BCL7C: variants seen among roughly 807,000 people sequenced by gnomAD.
BCL7C encodes the protein BAF chromatin remodeling complex subunit BCL7C.
Under a neutral mutation model 26.2 loss-of-function variants are expected in BCL7C, and 8 were observed. The ratio of observed to expected loss-of-function variants is 0.30; its 90% CI spans 0.18 to 0.55. The LOEUF (loss-of-function observed/expected upper bound fraction) is 0.55, where lower values mean the gene tolerates loss of function less well. Ranked by LOEUF, BCL7C falls within the 20% of genes least tolerant of loss-of-function variation. The pLI, the probability that BCL7C is intolerant of heterozygous loss-of-function variation, is 0.93. For synonymous variants in BCL7C, 90 were observed against 116.5 expected (o/e 0.77, Z 1.47); for missense variants, 262 against 298.5 (o/e 0.88, Z 0.90).
chr16:30,871,497 T>G (rs2054882064), intron 5 of BCL7C, among the ~76,000 whole-genome samples: 1 of 152,182 alleles, frequency 6.6e-6, no homozygotes, highest in African/African-American at 2.4e-5. Context: ...GTTAGCTTTT[T>G]TTTTTGAGAC....
In BCL7C at chr16:30,835,780, A is replaced by C. The variant is rs1293495988; in HGVS notation, c.529-632T>G. 2.0e-5 allele frequency among the ~76,000 whole-genome samples: 3 copies of C among 152,086 alleles called. No homozygotes were observed. The East Asian group carries it at 5.8e-4, about 29-fold the overall frequency. ...AGAATCTCTTGAACCCGGTAGACAGAGGTTGCAGTGAGCCGAGATCGCACC... is the reference window on the plus strand; with the variant it reads ...AGAATCTCTTGAACCCGGTAGACAGCGGTTGCAGTGAGCCGAGATCGCACC... On this transcript the variant is annotated intron_variant, in intron 5 of 5. Coordinates refer to the BCL7C transcript ENST00000380317.
At chr16:30,888,122 A>T in intron 5 of BCL7C, 132 bp from the exon 6 acceptor site, 14 of 749,682 alleles carry the variant, frequency 1.9e-5, no homozygotes, top group Admixed American at 3.9e-5. Context: ...CCAGATGCCC[A>T]GGATGCAGAG....
intron 5 of BCL7C, 107 bp from the exon 6 acceptor site, chr16:30,888,097 G>A: frequency 1.6e-6 from 2 of 1,222,796 alleles, no homozygotes; most frequent in Non-Finnish European, 2.3e-6. Flanking sequence ...CTGGGCCCGG[G>A]AGGCAAGCCC....
intron 5 of BCL7C, among the ~76,000 whole-genome samples, chr16:30,865,522 G>C (rs1258848586): frequency 2.6e-5 from 4 of 152,012 alleles, no homozygotes; most frequent in African/African-American, 9.7e-5. Context: ...AGGTTGCAGT[G>C]AACTATGATT....
At chr16:30,876,280 C>T (rs2054948968) in intron 5 of BCL7C, among the ~76,000 whole-genome samples, 1 of 152,226 alleles carries the variant, frequency 6.6e-6, no homozygotes, top group African/African-American at 2.4e-5. Flanking sequence ...TGCACTCACT[C>T]TGTGCCTGGG....
intron 5 of BCL7C, among the ~76,000 whole-genome samples, chr16:30,860,318 T>C (rs916252393): frequency 1.3e-5 from 2 of 152,210 alleles, no homozygotes; most frequent in African/African-American, 2.4e-5. Context: ...CCACATTCCC[T>C]TGGTGGCAAG....
chr16:30,892,988 C>T (rs1172894575), intron 2 of BCL7C, 40 bp from the exon 3 acceptor site: 1 of 1,570,032 alleles, frequency 6.4e-7, no homozygotes, highest in Admixed American at 1.7e-5. Flanking sequence ...CTTGGAAAGC[C>T]CCACCATACA....
intron 5 of BCL7C, among the ~76,000 whole-genome samples, chr16:30,856,758 C>G (rs2054726026): frequency 6.6e-6 from 1 of 152,140 alleles, no homozygotes; most frequent in Non-Finnish European, 1.5e-5. Flanking sequence ...CTGCTCTAAC[C>G]TTCCCTTGCT....
intron 4 of BCL7C, among the ~76,000 whole-genome samples, chr16:30,889,585 G>T (rs2055193231): frequency 1.3e-5 from 2 of 152,130 alleles, no homozygotes; most frequent in South Asian, 4.1e-4. Flanking sequence ...CGCCTCCCAG[G>T]TTCAAGTGAT....
chr16:30,873,846 C>G (rs2054904116), intron 5 of BCL7C, among the ~76,000 whole-genome samples: 1 of 8,960 alleles, frequency 1.1e-4, no homozygotes, highest in Admixed American at 2.0e-3. Context: ...GCTACACTGT[C>G]TCAAAAAAAA....
intron 5 of BCL7C, among the ~76,000 whole-genome samples, chr16:30,878,873 AG>A (rs1178934520): frequency 1.3e-5 from 2 of 151,968 alleles, no homozygotes; most frequent in African/African-American, 4.8e-5. Flanking sequence ...CAAGGGTAGA[AG>A]GCAGCCATCA....
chr16:30,893,784 G>A lies in BCL7C; in HGVS notation c.92+69C>T, dbSNP rs924360181. 6.3e-6 allele frequency: 9 copies of A among 1,422,746 alleles called. No individual in the cohort carries two copies. The African/African-American group carries it at 1.3e-4, about 20-fold the overall frequency. The allele number at this position is 1,422,746 out of a possible 1,614,324, so 88.1% of individuals were successfully genotyped here. ...ACACCCGGGGCCCAGAGCTGGCGAGGGCAGCGTAGACGCCTTTGGTGCTGG... is the reference window on the plus strand; with the variant it reads ...ACACCCGGGGCCCAGAGCTGGCGAGAGCAGCGTAGACGCCTTTGGTGCTGG... On this transcript the variant is annotated intron_variant, in intron 1 of 5. Coordinates refer to ENST00000215115, the MANE Select transcript of BCL7C (RefSeq NM_004765.4). The surrounding 1 kb of genome is among the most constrained non-coding windows in gnomAD (Gnocchi z 5.2).
At chr16:30,881,427 A>AC (rs1567320794) in intron 5 of BCL7C, among the ~76,000 whole-genome samples, 10 of 107,902 alleles carry the variant, frequency 9.3e-5, no homozygotes, top group African/African-American at 3.1e-4. Flanking sequence ...CACACACACA[A>AC]CAAAAAATTA....
chr16:30,845,242 G>A (rs1392064239), intron 5 of BCL7C, among the ~76,000 whole-genome samples: 2 of 152,218 alleles, frequency 1.3e-5, no homozygotes, highest in Non-Finnish European at 1.5e-5. Context: ...GGCTTCTGTA[G>A]CAGTCTAGCT....
At chr16:30,840,522 A>G (rs1464781434) in intron 5 of BCL7C, among the ~76,000 whole-genome samples, 1 of 152,024 alleles carries the variant, frequency 6.6e-6, no homozygotes, top group East Asian at 1.9e-4. Flanking sequence ...CCAGCCATCA[A>G]ATTCCAAGTT....
At chr16:30,891,392 G>A (rs1356949023) in intron 4 of BCL7C, among the ~76,000 whole-genome samples, 1 of 152,070 alleles carries the variant, frequency 6.6e-6, no homozygotes, top group Non-Finnish European at 1.5e-5. Flanking sequence ...AACCCAGGAG[G>A]TGAAGGTTGC....
intron 5 of BCL7C, among the ~76,000 whole-genome samples, chr16:30,841,949 A>G (rs375270034): frequency 4.7e-4 from 52 of 109,494 alleles, no homozygotes; most frequent in African/African-American, 1.8e-3. Context: ...GCGAGACTCC[A>G]TCTCAAAAAA....
chr16:30,879,409 G>A (rs1248632890), intron 5 of BCL7C, among the ~76,000 whole-genome samples: 1 of 151,994 alleles, frequency 6.6e-6, no homozygotes, highest in Non-Finnish European at 1.5e-5. Context: ...ATATAATTTA[G>A]CAGTAAAAAG....
At chr16:30,836,471 CTTT>C (rs762842983) in intron 5 of BCL7C, among the ~76,000 whole-genome samples, 13 of 116,940 alleles carry the variant, frequency 1.1e-4, no homozygotes, top group Non-Finnish European at 7.2e-5. Context: ...GAGACCCTGT[CTTT>C]TTTTTTTTTT....
Sources: allele counts gnomAD v4.1 joint callset (sites outside exome capture counted in the v4.1 genomes callset), GRCh38; gene constraint gnomAD v4.1.1; non-coding constraint Gnocchi (gnomAD v3.1); transcripts MANE v1.5; gene names NCBI Gene and HGNC (gene_info 2026-07-23, HGNC 2026-07-21).